Variants in TRABD2B observed in about 807,000 individuals in gnomAD.
TRABD2B encodes the protein metalloprotease TIKI2.
Under a neutral mutation model 40.1 loss-of-function variants are expected in TRABD2B, and 14 were observed. That is an observed-to-expected ratio of 0.35 (90% confidence interval 0.23 to 0.55). TRABD2B has a LOEUF of 0.55. Among genes scored for constraint, TRABD2B ranks in the 20% least tolerant of loss-of-function variants. The pLI is 0.90. For synonymous variants in TRABD2B, 263 were observed against 277.0 expected (o/e 0.95, Z 0.50); for missense variants, 541 against 648.6 (o/e 0.83, Z 1.80).
At position 47,772,477 on chromosome 1, in the gene TRABD2B, C is replaced by T. The variant is rs574954508; in HGVS notation, c.1349+2693G>A. Among the ~76,000 whole-genome samples, 9 of 151,710 alleles carry T rather than the reference C, an allele frequency of 5.9e-5. No homozygotes were observed. In the South Asian group the frequency reaches 8.3e-4, roughly 14 times the overall value. On this transcript the variant is annotated intron_variant, in intron 6 of 6. Coordinates refer to ENST00000606738, the MANE Select transcript of TRABD2B (RefSeq NM_001194986.2). ...GCCCTGCATCTGGGCTGAGCAGCGG[C>T]GTGGGGGCACTGTAGGACCCCAGGC...
intron 2 of TRABD2B, among the ~76,000 whole-genome samples, chr1:47,989,720 G>A (rs1237414256): frequency 1.3e-5 from 2 of 150,878 alleles, no homozygotes; most frequent in South Asian, 4.2e-4. Context: ...TCTCTTTTTC[G>A]GCAAGAAATG....
chr1:47,947,701 C>A (rs1017055845), intron 2 of TRABD2B, among the ~76,000 whole-genome samples: 2 of 149,648 alleles, frequency 1.3e-5, no homozygotes, highest in African/African-American at 5.1e-5. Flanking sequence ...GGTCATGCAG[C>A]TAGATTTTCC....
rs1016966417 is a variant in TRABD2B at position 47,994,102 on chromosome 1, T to A, written c.598A>T (p.Thr200Ser). 6.5e-7 allele frequency: 1 copy of A among 1,536,056 alleles called. No individual in the cohort carries two copies. Among genetic ancestry groups the A allele is most frequent in the African/African-American group, 1.4e-5 (1 of 73,042 alleles). The change falls in exon 2 of 7, where the codon ACC becomes TCC. Residue 200 changes from threonine (T) to serine (S), a missense_variant. Thr to Ser is a moderately conservative substitution (Grantham distance 58). Coordinates refer to ENST00000606738, the MANE Select transcript of TRABD2B (RefSeq NM_001194986.2). This position sits in a 1 kb window ranked among gnomAD's most constrained non-coding sequence, Gnocchi z 6.7. ...LAQQAEKMKK[T>S]TGAVEQVEEQ... ...TCCACCTGCTCCACAGCCCCTGTGG[T>A]CTTCTTCATCTTCTCAGCCTGCTGG...
At chr1:47,834,008 T>C (rs1645285274) in intron 2 of TRABD2B, among the ~76,000 whole-genome samples, 1 of 152,180 alleles carries the variant, frequency 6.6e-6, no homozygotes, top group Non-Finnish European at 1.5e-5. Context: ...GCAGTATCCT[T>C]GAAAACCAAC....
chr1:47,983,487 TAAAA>T (rs899160868), intron 2 of TRABD2B, among the ~76,000 whole-genome samples: 2 of 149,434 alleles, frequency 1.3e-5, no homozygotes, highest in African/African-American at 4.9e-5. Flanking sequence ...CCTAAAAGTT[TAAAA>T]AAAAAATGAC....
chr1:47,880,741 T>G (rs1450363615), intron 2 of TRABD2B, among the ~76,000 whole-genome samples: 1 of 152,238 alleles, frequency 6.6e-6, no homozygotes, highest in African/African-American at 2.4e-5. Flanking sequence ...GTCCTGGGAC[T>G]GGGTCTAACC....
intron 2 of TRABD2B, among the ~76,000 whole-genome samples, chr1:47,835,826 AT>A (rs1449550851): frequency 6.6e-6 from 1 of 152,268 alleles, no homozygotes; most frequent in African/African-American, 2.4e-5. Flanking sequence ...CCAGGAAGAA[AT>A]AAAGGGTACC....
At chr1:47,946,827 T>C (rs1036974396) in intron 2 of TRABD2B, among the ~76,000 whole-genome samples, 1 of 152,220 alleles carries the variant, frequency 6.6e-6, no homozygotes, top group African/African-American at 2.4e-5. Flanking sequence ...CTATTCTTTG[T>C]AGTCTTTTTC....
intron 2 of TRABD2B, among the ~76,000 whole-genome samples, chr1:47,821,076 C>T (rs995504519): frequency 5.9e-5 from 9 of 152,104 alleles, no homozygotes; most frequent in African/African-American, 1.4e-4. Context: ...TCTTGCAGAC[C>T]GCTCCCTGCA....
intron 2 of TRABD2B, among the ~76,000 whole-genome samples, chr1:47,979,095 A>T (rs1645803228): frequency 6.6e-6 from 1 of 152,072 alleles, no homozygotes; most frequent in Admixed American, 6.5e-5. Context: ...CGGCCTCCCA[A>T]AGCCAAAGCA....
At chr1:47,948,134 G>A (rs140290779) in intron 2 of TRABD2B, among the ~76,000 whole-genome samples, 4 of 152,242 alleles carry the variant, frequency 2.6e-5, no homozygotes, top group Middle Eastern at 3.4e-3. Flanking sequence ...GACGCAGGCC[G>A]TAAAATCTTA....
At chr1:47,901,320 A>G (rs748459894) in intron 2 of TRABD2B, among the ~76,000 whole-genome samples, 4 of 152,230 alleles carry the variant, frequency 2.6e-5, no homozygotes, top group Non-Finnish European at 4.4e-5. Flanking sequence ...TGCAGCAATC[A>G]GCAGGGGAGA....
intron 2 of TRABD2B, among the ~76,000 whole-genome samples, chr1:47,976,760 C>T (rs1645761835): frequency 6.6e-6 from 1 of 152,166 alleles, no homozygotes; most frequent in Non-Finnish European, 1.5e-5. Context: ...ATGAGCAGTA[C>T]CTGGCATGCA....
At chr1:47,800,132 C>T (rs1644802750) in intron 3 of TRABD2B, among the ~76,000 whole-genome samples, 1 of 152,210 alleles carries the variant, frequency 6.6e-6, no homozygotes, top group East Asian at 1.9e-4. Context: ...GACCGAACTC[C>T]CTGCCCTCAT....
intron 2 of TRABD2B, among the ~76,000 whole-genome samples, chr1:47,967,578 A>G (rs948704033): frequency 2.0e-5 from 3 of 152,234 alleles, no homozygotes; most frequent in African/African-American, 7.2e-5. Context: ...ACAAAAGATT[A>G]AAAACAACCA....
chr1:47,808,218 C>T (rs1037956323), intron 2 of TRABD2B, among the ~76,000 whole-genome samples: 16 of 152,322 alleles, frequency 1.1e-4, no homozygotes, highest in Middle Eastern at 3.4e-3. Flanking sequence ...GCAGCATCAA[C>T]TCTTCCCTGG....
At chr1:47,962,906 G>A (rs1305807602) in intron 2 of TRABD2B, among the ~76,000 whole-genome samples, 1 of 152,126 alleles carries the variant, frequency 6.6e-6, no homozygotes, top group Non-Finnish European at 1.5e-5. Flanking sequence ...ACAGGAAGGG[G>A]TATCTACTCC....
intron 2 of TRABD2B, among the ~76,000 whole-genome samples, chr1:47,957,219 A>C (rs1452294508): frequency 1.3e-5 from 2 of 152,234 alleles, no homozygotes; most frequent in African/African-American, 4.8e-5. Flanking sequence ...CACCATCATC[A>C]GAGACCAAAA....
chr1:47,778,348 T>C (rs1395867783), intron 5 of TRABD2B, 106 bp downstream of exon 5: 7 of 808,246 alleles, frequency 8.7e-6, no homozygotes, highest in Non-Finnish European at 1.4e-5. Context: ...TGCTTCCTGG[T>C]AGAGACCTGC....
Sources: gnomAD v4.1 joint callset for allele counts (sites outside exome capture counted in the v4.1 genomes callset) on GRCh38, gnomAD v4.1.1 for gene constraint, Gnocchi (gnomAD v3.1) non-coding constraint, MANE v1.5 for transcripts, NCBI Gene and HGNC (gene_info 2026-07-23, HGNC 2026-07-21) for gene names.